DPYD: variants seen among roughly 807,000 people sequenced by gnomAD.
The protein encoded by DPYD is dihydropyrimidine dehydrogenase [NADP(+)].
DPYD carries 109 observed loss-of-function variants against 116.2 expected under a neutral mutation model. That is an observed-to-expected ratio of 0.94 (90% CI 0.80 to 1.10). The LOEUF (loss-of-function observed/expected upper bound fraction) is 1.10, where lower values mean the gene tolerates loss of function less well. Ranked by LOEUF, DPYD falls within the 50% of genes least tolerant of loss-of-function variation. The pLI, the probability that DPYD is intolerant of heterozygous loss-of-function variation, is 0.00. For synonymous variants in DPYD, 440 were observed against 432.0 expected (o/e 1.02, Z -0.23); for missense variants, 1,302 against 1,254.5 (o/e 1.04, Z -0.57).
chr1:97,617,014 C>T (rs1656325466), intron 8 of DPYD, among the ~76,000 whole-genome samples: 1 of 152,048 alleles, frequency 6.6e-6, no homozygotes, highest in African/African-American at 2.4e-5. Flanking sequence ...CCATCCTGGC[C>T]AACATGGTGA....
chr1:97,567,108 G>A (rs906300033), intron 11 of DPYD, among the ~76,000 whole-genome samples: 12 of 151,998 alleles, frequency 7.9e-5, no homozygotes, highest in Admixed American at 1.3e-4. Context: ...ATCTTAGCAG[G>A]CCATTTCTTG....
At chr1:97,266,855 G>A (rs1664269670) in intron 18 of DPYD, among the ~76,000 whole-genome samples, 1 of 152,122 alleles carries the variant, frequency 6.6e-6, no homozygotes, top group South Asian at 2.1e-4. Flanking sequence ...CAAAGGACAT[G>A]AACTCATCCT....
At chr1:97,472,441 T>C (rs950172853) in intron 13 of DPYD, among the ~76,000 whole-genome samples, 3 of 152,244 alleles carry the variant, frequency 2.0e-5, no homozygotes, top group Non-Finnish European at 4.4e-5. Context: ...ATGGTTCCAA[T>C]TTTTAGTACA....
At chr1:97,313,672 C>T (rs1048599803) in intron 16 of DPYD, among the ~76,000 whole-genome samples, 2 of 151,644 alleles carry the variant, frequency 1.3e-5, no homozygotes, top group African/African-American at 2.4e-5. Flanking sequence ...CATTTTTTGT[C>T]CCTTGAATAA....
chr1:97,274,239 G>A (rs553131891), intron 18 of DPYD, among the ~76,000 whole-genome samples: 1 of 152,320 alleles, frequency 6.6e-6, no homozygotes, highest in East Asian at 1.9e-4. Flanking sequence ...CCCGCTGTCA[G>A]AGGTGGGGCC....
At chr1:97,888,061 C>G (rs924351190) in intron 1 of DPYD, among the ~76,000 whole-genome samples, 1 of 151,978 alleles carries the variant, frequency 6.6e-6, no homozygotes, top group African/African-American at 2.4e-5. Flanking sequence ...TTTACAGCAG[C>G]ATGAGAACTA....
At position 97,547,296 on chromosome 1, in the gene DPYD, G is replaced by A. The variant is rs148643225; in HGVS notation, c.1524+2264C>T. ...AATAAAAACAGGAAGATAGTTTGGG[G>A]GGCAGGAAATGCAGAAGGAGGCAAA... On this transcript the variant is annotated intron_variant, in intron 12 of 22. Coordinates refer to ENST00000370192, the MANE Select transcript of DPYD (RefSeq NM_000110.4). Among the ~76,000 whole-genome samples the A allele has an allele frequency of 2.2e-3, 339 of 152,220 alleles. 1 individual carries two copies. The highest frequency in any genetic ancestry group is 2.5e-3 in the Non-Finnish European group (169 of 68,026).
chr1:97,346,099 T>C lies in DPYD; in HGVS notation c.2058+27462A>G, dbSNP rs573923808. On this transcript the variant is annotated intron_variant, in intron 16 of 22. Transcript: ENST00000370192. Reference sequence around the variant, plus strand: ...ACATATAATTTAGTATTAAATGTTTTTATCTTCCATATACATGAAATAATA... The same window carrying C: ...ACATATAATTTAGTATTAAATGTTTCTATCTTCCATATACATGAAATAATA... 2.8e-4 allele frequency among the ~76,000 whole-genome samples: 43 copies of C among 151,980 alleles called. 1 individual carries two copies. The highest frequency in any genetic ancestry group is 9.9e-4 in the African/African-American group (41 of 41,558).
intron 3 of DPYD, among the ~76,000 whole-genome samples, chr1:97,778,533 G>A: frequency 6.6e-6 from 1 of 151,946 alleles, no homozygotes; most frequent in East Asian, 1.9e-4. Flanking sequence ...ATTAAATCCT[G>A]CCAAAATACT....
intron 4 of DPYD, among the ~76,000 whole-genome samples, chr1:97,724,248 A>G (rs1663081573): frequency 6.7e-6 from 1 of 149,026 alleles, no homozygotes; most frequent in Non-Finnish European, 1.5e-5. Flanking sequence ...GCATTAGTCA[A>G]GGAGTCAAAA....
chr1:97,555,250 C>CA (rs1345169104), intron 11 of DPYD, among the ~76,000 whole-genome samples: 4 of 152,222 alleles, frequency 2.6e-5, no homozygotes, highest in Admixed American at 6.6e-5. Flanking sequence ...TTCACCTCTT[C>CA]ATTTTCCTCT....
intron 18 of DPYD, among the ~76,000 whole-genome samples, chr1:97,241,374 T>G (rs1258789195): frequency 6.6e-6 from 1 of 151,992 alleles, no homozygotes; most frequent in Non-Finnish European, 1.5e-5. Context: ...ACTGTGTACT[T>G]TAACCCTTGT....
chr1:97,635,629 C>T (rs1571100631), intron 8 of DPYD, among the ~76,000 whole-genome samples: 1 of 152,132 alleles, frequency 6.6e-6, no homozygotes. Context: ...GGGAATACGT[C>T]TGCTAAAATT....
chr1:97,411,012 G>A (rs1318673655), intron 14 of DPYD, among the ~76,000 whole-genome samples: 1 of 152,124 alleles, frequency 6.6e-6, no homozygotes, highest in Non-Finnish European at 1.5e-5. Flanking sequence ...TGGCTACAAT[G>A]TTGGGTGAGG....
intron 16 of DPYD, among the ~76,000 whole-genome samples, chr1:97,345,958 T>C (rs1669819529): frequency 6.6e-6 from 1 of 151,948 alleles, no homozygotes; most frequent in African/African-American, 2.4e-5. Flanking sequence ...TAAAATTTTG[T>C]TTAATGCAGT....
At chr1:97,177,361 C>G (rs1398711108) in intron 20 of DPYD, among the ~76,000 whole-genome samples, 1 of 152,122 alleles carries the variant, frequency 6.6e-6, no homozygotes, top group Admixed American at 6.6e-5. Context: ...TGGGAAGTAT[C>G]TACTGGATTG....
At chr1:97,191,186 A>G (rs986899935) in intron 20 of DPYD, among the ~76,000 whole-genome samples, 1 of 152,032 alleles carries the variant, frequency 6.6e-6, no homozygotes, top group Non-Finnish European at 1.5e-5. Flanking sequence ...ATAATAAAAA[A>G]TATAAACATA....
At chr1:97,451,915 G>A (rs1469058140) in intron 13 of DPYD, among the ~76,000 whole-genome samples, 1 of 152,050 alleles carries the variant, frequency 6.6e-6, no homozygotes, top group Non-Finnish European at 1.5e-5. Flanking sequence ...TCCAACCTAG[G>A]CCACAAGTTG....
chr1:97,681,105 C>A (rs1339744030), intron 7 of DPYD, among the ~76,000 whole-genome samples: 2 of 152,054 alleles, frequency 1.3e-5, no homozygotes, highest in Non-Finnish European at 2.9e-5. Context: ...CTCATTTAAT[C>A]CCCACAGCAG....
Sources: gnomAD v4.1 joint callset for allele counts (sites outside exome capture counted in the v4.1 genomes callset) on GRCh38, gnomAD v4.1.1 for gene constraint, MANE v1.5 for transcripts, NCBI Gene and HGNC (gene_info 2026-07-23, HGNC 2026-07-21) for gene names.